Variants in ATP13A2 observed in about 807,000 individuals in gnomAD.
ATP13A2 encodes the protein polyamine-transporting ATPase 13A2.
A neutral mutation model predicts 138.3 loss-of-function variants in ATP13A2; 83 were observed. The observed-to-expected ratio is 0.60, with a 90% CI of 0.50 to 0.72. The LOEUF is 0.72. Ranked by LOEUF, ATP13A2 falls within the 30% of genes least tolerant of loss-of-function variation. The pLI is 0.00. For missense variants in ATP13A2, 1,402 were observed against 1,606.4 expected (o/e 0.87, Z 2.17); for synonymous variants, 663 against 699.0 (o/e 0.95, Z 0.81).
At chr1:16,997,238 T>A in intron 11 of ATP13A2, 63 bp from the exon 12 acceptor site, 1 of 1,600,630 alleles carries the variant, frequency 6.2e-7, no homozygotes, top group Non-Finnish European at 8.5e-7. Context: ...AAACCAGGAG[T>A]TCTGTGTAGA....
Position 17,000,272 on chromosome 1 carries a change from C to G in ATP13A2, c.881G>C (p.Arg294Pro), listed in dbSNP as rs56367069. The change falls in exon 10 of 29, where the codon CGG becomes CCG. Residue 294 changes from arginine (R) to proline (P), a missense_variant. Physicochemically the swap from Arg to Pro is moderately radical, Grantham distance 103. Transcript: ENST00000326735. ...TCCCCCTGGCCGGCACACGCACACC[C>G]GCATGGACAACTTGACCATGTCCCT... ...TLRDMVKLSM[R>P]VCVCRPGGEE... is the part of the protein sequence containing the mutation. 29 of 1,577,634 alleles carry G rather than the reference C, an allele frequency of 1.8e-5. No individual in the cohort carries two copies. The highest frequency in any genetic ancestry group is 2.2e-5 in the Non-Finnish European group (26 of 1,161,560).
rs753241332 is a variant in ATP13A2 at position 16,996,168 on chromosome 1, G to T, written c.1354-4C>A. Reference sequence around the variant, plus strand: ...TTACAATCTCATTCAGAGGCACCTGGCAGGGGGCACCATGAATGTGAGCAC... The same window carrying T: ...TTACAATCTCATTCAGAGGCACCTGTCAGGGGGCACCATGAATGTGAGCAC... On this transcript the variant is annotated splice_polypyrimidine_tract_variant and splice_region_variant and intron_variant, in intron 14 of 28. Transcript: ENST00000326735. 2 of 1,614,156 alleles carry T rather than the reference G, an allele frequency of 1.2e-6. No individual in the cohort carries two copies. The highest frequency in any genetic ancestry group is 2.2e-5 in the South Asian group (2 of 91,088).
intron 21 of ATP13A2, 41 bp from the exon 22 acceptor site, chr1:16,990,044 C>G (rs773047666): frequency 3.7e-6 from 6 of 1,613,546 alleles, no homozygotes; most frequent in Admixed American, 1.7e-5. Flanking sequence ...CCCTGCCCAC[C>G]CTGGAGAGTT....
chr1:16,999,661 G>T (rs1219070192), intron 11 of ATP13A2, among the ~76,000 whole-genome samples: 1 of 152,160 alleles, frequency 6.6e-6, no homozygotes, highest in Non-Finnish European at 1.5e-5. Context: ...CAGCACCTTG[G>T]GAGGCCGAGG....
intron 6 of ATP13A2, among the ~76,000 whole-genome samples, chr1:17,003,772 T>C (rs2077452845): frequency 1.3e-5 from 2 of 151,574 alleles, no homozygotes; most frequent in South Asian, 4.2e-4. Context: ...CAAGCGATTT[T>C]CCTGCCTCAG....
Position 16,992,472 on chromosome 1 carries a change from C to A in ATP13A2, c.1845+14G>T, listed in dbSNP as rs573414889. The stretch of plus-strand genomic sequence containing the variant: ...CCCCTCTGCCCTGCACCCAACAGGC[C>A]CCCCTCAGCTCACCATTGCCTGCAG... On this transcript the variant is annotated intron_variant, in intron 17 of 28. Transcript: ENST00000326735. 1 of 1,613,990 alleles carries A rather than the reference C, an allele frequency of 6.2e-7. No individual in the cohort carries two copies. The highest frequency in any genetic ancestry group is 2.2e-5 in the East Asian group (1 of 44,886).
chr1:16,990,092 G>A (rs1396308977), intron 21 of ATP13A2, 35 bp downstream of exon 21: 3 of 1,614,116 alleles, frequency 1.9e-6, no homozygotes, highest in Non-Finnish European at 1.7e-6. Flanking sequence ...GGGGTCACTG[G>A]GTGAGGTACA....
intron 1 of ATP13A2, among the ~76,000 whole-genome samples, chr1:17,008,496 T>A (rs551029638): frequency 6.6e-6 from 1 of 151,714 alleles, no homozygotes; most frequent in East Asian, 1.9e-4. Flanking sequence ...CCTGGGGGGG[T>A]TGCGTGGACA....
chr1:16,996,018 G>T lies in ATP13A2; in HGVS notation c.1500C>A (p.Arg500=). Residue 500 remains arginine (R), a synonymous_variant, in exon 15 of 29, where the codon CGC becomes CGA. Coordinates refer to ENST00000326735, the MANE Select transcript of ATP13A2 (RefSeq NM_022089.4). ...RQGIFCIHPL[R]INLGGKLQLV... ...GCTGCAGCTTGCCCCCCAGGTTGAT[G>T]CGCAGTGGGTGGATGCAGAAAATGC... The T allele has an allele frequency of 6.2e-7, 1 of 1,614,092 alleles. No individual in the cohort carries two copies. The highest frequency in any genetic ancestry group is 2.2e-5 in the East Asian group (1 of 44,884).
chr1:17,004,744 C>T lies in ATP13A2; in HGVS notation c.425G>A (p.Trp142Ter). Residue 142 changes from tryptophan to a stop codon, truncating the protein, a stop_gained, in exon 5 of 29, where the codon TGG becomes TAG. Transcript: ENST00000326735. LOFTEE classifies it high-confidence loss of function. The surrounding 1 kb of genome is among the most constrained non-coding windows in gnomAD (Gnocchi z 4.1). Reference protein sequence around the residue: ...AAVGAVPEGAWKDTAQLHKSE... With the variant: ...AAVGAVPEGA The stretch of plus-strand genomic sequence containing the variant: ...CTTGTGGAGCTGGGCCGTATCCTTC[C>T]AGGCACCCTCTGGTACCGCCCCAAC... 1 of 1,614,144 alleles carries T rather than the reference C, an allele frequency of 6.2e-7. No homozygotes were observed. Among genetic ancestry groups the T allele is most frequent in the Non-Finnish European group, 8.5e-7 (1 of 1,180,038 alleles).
chr1:16,999,890 A>T, intron 11 of ATP13A2, 121 bp downstream of exon 11: 1 of 1,341,742 alleles, frequency 7.5e-7, no homozygotes. Context: ...AACAGAGTGA[A>T]ACTCCGTCTC....
At chr1:16,992,912 A>G (rs2076986826) in intron 16 of ATP13A2, among the ~76,000 whole-genome samples, 1 of 152,206 alleles carries the variant, frequency 6.6e-6, no homozygotes, top group Non-Finnish European at 1.5e-5. Context: ...CCTTGCCATT[A>G]TTATTATGTT....
Position 16,997,139 on chromosome 1 carries a change from T to A in ATP13A2, c.1076A>T (p.Glu359Val). 6.2e-7 allele frequency: 1 copy of A among 1,613,670 alleles called. No individual in the cohort carries two copies. The highest frequency in any genetic ancestry group is 1.1e-5 in the South Asian group (1 of 91,088). Residue 359 changes from glutamate to valine, a missense_variant, in exon 12 of 29, where the codon GAG (glutamate) becomes GTG (valine). Transcript: ENST00000326735. ...SIPVLKTALP[E>V]GLGPYCAETH... is the part of the protein sequence containing the mutation. ...CTCTGCACAGTAGGGCCCCAGCCCC[T>A]CCGGCAGTGCCGTCTTCAGCACTGG...
Position 16,992,363 on chromosome 1 carries a change from G to A in ATP13A2, c.1885C>T (p.Pro629Ser), listed in dbSNP as rs2076964602. The change falls in exon 18 of 29, where the codon CCC becomes TCC. Residue 629 changes from proline (P) to serine (S), a missense_variant. Physicochemically the swap from Pro to Ser is moderately conservative, Grantham distance 74. Transcript: ENST00000326735. ...ATGCGCTGCAGAGCCGAAGAGAAGG[G>A]GAAGCGGTGGAGGACGCTGACTGGC... ...PVPVSVLHRFPFSSALQRMSV... is the reference protein window; with the variant it reads ...PVPVSVLHRFSFSSALQRMSV... 1 of 1,613,548 alleles carries A rather than the reference G, an allele frequency of 6.2e-7. No homozygotes were observed. The highest frequency in any genetic ancestry group is 8.5e-7 in the Non-Finnish European group (1 of 1,179,906).
In ATP13A2 at chr1:16,995,181, C is replaced by T. The variant is rs574800005; in HGVS notation, c.1542+795G>A. Among the ~76,000 whole-genome samples the T allele has an allele frequency of 6.6e-6, 1 of 152,322 alleles. No individual in the cohort carries two copies. The highest frequency in any genetic ancestry group is 2.1e-4 in the South Asian group (1 of 4,832). ...TTTACCCTTGCTTCTCCTCGACCTG[C>T]CCCTCACTGAGGTCACTGAGGGACC... On this transcript the variant is annotated intron_variant, in intron 15 of 28. Transcript: ENST00000326735. The surrounding 1 kb of genome is among the most constrained non-coding windows in gnomAD (Gnocchi z 4.1).
chr1:16,994,605 C>T (rs948388092), intron 15 of ATP13A2, among the ~76,000 whole-genome samples: 4 of 152,086 alleles, frequency 2.6e-5, no homozygotes, highest in Admixed American at 2.0e-4. Flanking sequence ...TGCCCAAGTA[C>T]GCGTCTGGCT....
intron 11 of ATP13A2, among the ~76,000 whole-genome samples, chr1:16,999,304 C>T (rs2077255418): frequency 6.9e-6 from 1 of 144,588 alleles, no homozygotes; most frequent in Non-Finnish European, 1.5e-5. Flanking sequence ...CGCTTGAACC[C>T]AGGAGGTGGA....
intron 6 of ATP13A2, 62 bp from the exon 7 acceptor site, chr1:17,002,435 C>G: frequency 6.4e-7 from 1 of 1,562,468 alleles, no homozygotes; most frequent in Non-Finnish European, 8.7e-7. Flanking sequence ...ATCCCCCACC[C>G]TGTGCAGGCT....
At chr1:16,998,373 T>G (rs931504542) in intron 11 of ATP13A2, among the ~76,000 whole-genome samples, 1 of 152,020 alleles carries the variant, frequency 6.6e-6, no homozygotes, top group African/African-American at 2.4e-5. Flanking sequence ...CCTGGCTAAT[T>G]TTTTGTATTT....
Sources: gnomAD v4.1 joint callset for allele counts (sites outside exome capture counted in the v4.1 genomes callset) on GRCh38, gnomAD v4.1.1 for gene constraint, Gnocchi (gnomAD v3.1) non-coding constraint, MANE v1.5 for transcripts, NCBI Gene and HGNC (gene_info 2026-07-23, HGNC 2026-07-21) for gene names.